The following FRMD4B variants were observed in gnomAD, a reference collection of about 807,000 sequenced individuals.
FRMD4B encodes the protein FERM domain-containing protein 4B.
Under a neutral mutation model 141.5 loss-of-function variants are expected in FRMD4B, and 74 were observed. The observed-to-expected ratio is 0.52, with a 90% CI of 0.43 to 0.63. The LOEUF (loss-of-function observed/expected upper bound fraction) is 0.63, where lower values mean the gene tolerates loss of function less well. Ranked by LOEUF, FRMD4B falls within the 30% of genes least tolerant of loss-of-function variation. FRMD4B has a pLI of 0.00. For synonymous variants in FRMD4B, 506 were observed against 467.9 expected (o/e 1.08, Z -1.05); for missense variants, 1,366 against 1,253.4 (o/e 1.09, Z -1.36).
At chr3:69,413,721 T>A (rs1704800366) in intron 2 of FRMD4B, among the ~76,000 whole-genome samples, 1 of 152,174 alleles carries the variant, frequency 6.6e-6, no homozygotes, top group Non-Finnish European at 1.5e-5. Context: ...CTCAAGGGAA[T>A]GTGACGCATT....
Position 69,309,056 on chromosome 3 carries a change from G to T in FRMD4B, c.323+2207C>A, listed in dbSNP as rs997004412. Among the ~76,000 whole-genome samples, 3 of 152,200 alleles carry T rather than the reference G, an allele frequency of 2.0e-5. No homozygotes were observed. The South Asian group carries it at 6.2e-4, about 31-fold the overall frequency. ...CTCCATAAAAGCAGGGGCCTTGTCT[G>T]TGTTACTCCTAGCTGAATCCTCGTG... is the stretch of plus-strand genomic sequence containing the variant. On this transcript the variant is annotated intron_variant, in intron 3 of 22. Transcript: ENST00000398540.
chr3:69,348,988 A>T (rs1379572159), intron 1 of FRMD4B, among the ~76,000 whole-genome samples: 1 of 152,222 alleles, frequency 6.6e-6, no homozygotes, highest in Non-Finnish European at 1.5e-5. Context: ...ATCAGGCAGG[A>T]GAAAGAAATA....
At chr3:69,454,397 G>A (rs1705551616) in intron 1 of FRMD4B, among the ~76,000 whole-genome samples, 1 of 152,220 alleles carries the variant, frequency 6.6e-6, no homozygotes, top group South Asian at 2.1e-4. Flanking sequence ...TGGGCTGGTT[G>A]AGGCCAGAGC....
At chr3:69,330,496 G>A (rs954889659) in intron 1 of FRMD4B, among the ~76,000 whole-genome samples, 3 of 151,268 alleles carry the variant, frequency 2.0e-5, no homozygotes, top group African/African-American at 7.3e-5. Flanking sequence ...ACAGGTGTGC[G>A]GAAATATACC....
chr3:69,239,019 C>G (rs945621576), intron 7 of FRMD4B, among the ~76,000 whole-genome samples: 6 of 152,058 alleles, frequency 3.9e-5, no homozygotes, highest in African/African-American at 1.2e-4. Flanking sequence ...ACTGGGCGTC[C>G]TATATTTTTA....
At chr3:69,314,171 A>AAAAAAC (rs1701717210) in intron 1 of FRMD4B, among the ~76,000 whole-genome samples, 1 of 115,104 alleles carries the variant, frequency 8.7e-6, no homozygotes, top group Non-Finnish European at 1.8e-5. Context: ...AAAAAAAAAA[A>AAAAAAC]AAGCCTCTCC....
At chr3:69,224,061 A>AAT (rs1451692109) in intron 8 of FRMD4B, among the ~76,000 whole-genome samples, 1 of 152,198 alleles carries the variant, frequency 6.6e-6, no homozygotes, top group Non-Finnish European at 1.5e-5. Flanking sequence ...AACCAAGGAG[A>AAT]ATATATTTAA....
In FRMD4B at chr3:69,181,310, C is replaced by G. The variant is rs1441945720; in HGVS notation, c.2440G>C (p.Glu814Gln). 6.8e-6 allele frequency: 11 copies of G among 1,613,996 alleles called. No homozygotes were observed. The highest frequency in any genetic ancestry group is 9.3e-6 in the Non-Finnish European group (11 of 1,179,874). Residue 814 changes from glutamate to glutamine, a missense_variant, in exon 21 of 23, where the codon GAG (glutamate) becomes CAG (glutamine). Glu to Gln is a conservative substitution (Grantham distance 29). Coordinates refer to ENST00000398540, the MANE Select transcript of FRMD4B (RefSeq NM_015123.3). Reference protein sequence around the residue: ...YYIAGYTPYAECDFYYSGGYV... With the variant: ...YYIAGYTPYAQCDFYYSGGYV... ...CCACCACTGTAATAAAAGTCACACTCTGCATAGGGTGTGTACCCGGCAATG... is the reference window on the plus strand; with the variant it reads ...CCACCACTGTAATAAAAGTCACACTGTGCATAGGGTGTGTACCCGGCAATG...
intron 8 of FRMD4B, among the ~76,000 whole-genome samples, chr3:69,222,464 T>C (rs1354240588): frequency 5.4e-5 from 3 of 55,158 alleles, no homozygotes; most frequent in African/African-American, 1.2e-4. Flanking sequence ...TGAAAATCCA[T>C]CTCAAAAAAA....
intron 3 of FRMD4B, among the ~76,000 whole-genome samples, chr3:69,303,745 C>A (rs1258464993): frequency 1.3e-5 from 2 of 151,786 alleles, no homozygotes; most frequent in African/African-American, 4.8e-5. Context: ...GCCTGGGCAA[C>A]ATGGTGAAAC....
chr3:69,313,552 C>A (rs745501617), intron 1 of FRMD4B, 35 bp from the exon 2 acceptor site: 21 of 1,375,918 alleles, frequency 1.5e-5, no homozygotes, highest in Middle Eastern at 1.8e-4. Flanking sequence ...GGTGTCAGGG[C>A]CACGGCTGGC....
At chr3:69,193,035 G>C (rs1468520616) in intron 17 of FRMD4B, among the ~76,000 whole-genome samples, 1 of 151,832 alleles carries the variant, frequency 6.6e-6, no homozygotes, top group African/African-American at 2.4e-5. Context: ...TTCCCAGGGT[G>C]GTCTCAAACT....
At chr3:69,305,124 C>T (rs1264966162) in intron 3 of FRMD4B, among the ~76,000 whole-genome samples, 2 of 152,156 alleles carry the variant, frequency 1.3e-5, no homozygotes, top group Non-Finnish European at 2.9e-5. Flanking sequence ...CTTTCTTCTT[C>T]CCTCCACCCA....
At chr3:69,180,663 A>G (rs764487031) in intron 21 of FRMD4B, among the ~76,000 whole-genome samples, 1 of 152,144 alleles carries the variant, frequency 6.6e-6, no homozygotes, top group African/African-American at 2.4e-5. Flanking sequence ...TGCTCAATCA[A>G]TGTTTGCTGG....
chr3:69,528,273 C>T (rs1700959308), intron 1 of FRMD4B, among the ~76,000 whole-genome samples: 1 of 149,022 alleles, frequency 6.7e-6, no homozygotes, highest in African/African-American at 2.5e-5. Context: ...TTCCTTCCTA[C>T]CTTCCTTCCT....
intron 1 of FRMD4B, among the ~76,000 whole-genome samples, chr3:69,499,561 G>A (rs866618217): frequency 3.9e-5 from 6 of 152,282 alleles, no homozygotes; most frequent in South Asian, 2.1e-4. Flanking sequence ...TAATTAAATC[G>A]TGAAGCTTTA....
chr3:69,256,021 A>C (rs1205519052), intron 5 of FRMD4B, among the ~76,000 whole-genome samples: 1 of 151,726 alleles, frequency 6.6e-6, no homozygotes, highest in Non-Finnish European at 1.5e-5. Flanking sequence ...TGCTTGAGCC[A>C]AGGAGTCCGA....
intron 1 of FRMD4B, among the ~76,000 whole-genome samples, chr3:69,469,507 T>A (rs1460791346): frequency 6.6e-6 from 1 of 152,220 alleles, no homozygotes; most frequent in Non-Finnish European, 1.5e-5. Flanking sequence ...AATACTTTGT[T>A]GGCCCAGTTT....
At chr3:69,425,541 C>T (rs767329943) in intron 2 of FRMD4B, among the ~76,000 whole-genome samples, 3 of 152,320 alleles carry the variant, frequency 2.0e-5, no homozygotes, top group Admixed American at 6.5e-5. Context: ...CATCTCTAAT[C>T]GATCTGCAAT....
Sources: gnomAD v4.1 joint callset for allele counts (sites outside exome capture counted in the v4.1 genomes callset) on GRCh38, gnomAD v4.1.1 for gene constraint, MANE v1.5 for transcripts, NCBI Gene and HGNC (gene_info 2026-07-23, HGNC 2026-07-21) for gene names.